The following RBM20 variants were observed in gnomAD, a reference collection of about 807,000 sequenced individuals.
RBM20 encodes the protein RNA-binding protein 20.
RBM20 carries 51 observed loss-of-function variants against 110.1 expected under a neutral mutation model. That is an observed-to-expected ratio of 0.46 (90% CI 0.37 to 0.59). The LOEUF is 0.59. Among genes scored for constraint, RBM20 ranks in the 20% least tolerant of loss-of-function variants. The probability of loss-of-function intolerance (pLI) is 0.00; values close to 1 mark genes in which losing one functional copy is unlikely to be tolerated. For missense variants in RBM20, 1,512 were observed against 1,574.9 expected (o/e 0.96, Z 0.68); for synonymous variants, 589 against 618.2 (o/e 0.95, Z 0.70).
chr10:110,738,624 G>A (rs1350783292), intron 1 of RBM20, among the ~76,000 whole-genome samples: 2 of 152,154 alleles, frequency 1.3e-5, no homozygotes, highest in African/African-American at 4.8e-5. Flanking sequence ...TGGGCTGGGG[G>A]AGAGGGTGGC....
chr10:110,721,668 G>A (rs1433602416), intron 1 of RBM20, among the ~76,000 whole-genome samples: 1 of 152,132 alleles, frequency 6.6e-6, no homozygotes, highest in Non-Finnish European at 1.5e-5. Context: ...GCTTCCGACT[G>A]TGGTTCTGCT....
chr10:110,802,613 C>G (rs1053969051), intron 7 of RBM20, among the ~76,000 whole-genome samples: 2 of 152,118 alleles, frequency 1.3e-5, no homozygotes, highest in Non-Finnish European at 2.9e-5. Context: ...AATTAAAGTA[C>G]CAAAGCATAG....
At chr10:110,773,163 A>G (rs1016143345) in intron 1 of RBM20, among the ~76,000 whole-genome samples, 2 of 152,234 alleles carry the variant, frequency 1.3e-5, no homozygotes, top group African/African-American at 4.8e-5. Context: ...TTTGTTCTTA[A>G]GGAGAAATTT....
intron 7 of RBM20, among the ~76,000 whole-genome samples, chr10:110,809,070 G>A (rs1307412765): frequency 2.0e-5 from 3 of 151,732 alleles, no homozygotes; most frequent in Non-Finnish European, 4.4e-5. Context: ...AAAAAAATTA[G>A]CCTGGTGTGG....
intron 1 of RBM20, among the ~76,000 whole-genome samples, chr10:110,766,854 CG>C (rs1844094067): frequency 6.7e-6 from 1 of 150,178 alleles, no homozygotes; most frequent in South Asian, 2.1e-4. Context: ...ACCTCCCAGA[CG>C]GGGTGGTGGC....
Position 110,644,384 on chromosome 10 carries a change from G to A in RBM20, c.-71G>A, listed in dbSNP as rs890428236. Reference sequence around the variant, plus strand: ...ACTGGGCACGGGGACCCCGGCCAGTGAGCGCCCGTGGCCCGGGACCGCCCC... The same window carrying A: ...ACTGGGCACGGGGACCCCGGCCAGTAAGCGCCCGTGGCCCGGGACCGCCCC... On this transcript the variant is annotated 5_prime_UTR_variant, in exon 1 of 14. Coordinates refer to ENST00000369519, the MANE Select transcript of RBM20 (RefSeq NM_001134363.3). The surrounding 1 kb of genome is among the most constrained non-coding windows in gnomAD (Gnocchi z 4.3). 4.7e-6 allele frequency: 6 copies of A among 1,277,206 alleles called. No homozygotes were observed. The highest frequency in any genetic ancestry group is 7.8e-5 in the Admixed American group (2 of 25,736). 79.1% of individuals were successfully genotyped at this position (1,277,206 alleles called of 1,614,324 possible).
chr10:110,836,666 A>G lies in RBM20; in HGVS notation c.*688A>G, dbSNP rs1845135380. 6.6e-6 allele frequency: 1 copy of G among 152,252 alleles called. No individual in the cohort carries two copies. Among genetic ancestry groups the G allele is most frequent in the Admixed American group, 6.5e-5 (1 of 15,290 alleles). The allele number at this position is 152,252 out of a possible 1,614,324, so 9.4% of individuals were successfully genotyped here. On this transcript the variant is annotated 3_prime_UTR_variant, in exon 14 of 14. Transcript: ENST00000369519. Reference sequence around the variant, plus strand: ...TAGAAATCTGCCAGACTTATGCCTTAAAGTAAAATTAAATGAATTTTAGAG... The same window carrying G: ...TAGAAATCTGCCAGACTTATGCCTTGAAGTAAAATTAAATGAATTTTAGAG...
chr10:110,669,445 C>T (rs1442441901), intron 1 of RBM20, among the ~76,000 whole-genome samples: 1 of 152,162 alleles, frequency 6.6e-6, no homozygotes, highest in African/African-American at 2.4e-5. Context: ...TCTGAAAAGC[C>T]TCTTATGGTT....
intron 1 of RBM20, among the ~76,000 whole-genome samples, chr10:110,670,013 A>G (rs1040145946): frequency 6.6e-6 from 1 of 152,174 alleles, no homozygotes; most frequent in Admixed American, 6.5e-5. Flanking sequence ...GGTTTTAACC[A>G]TGACCCAACT....
At chr10:110,643,422 C>T (rs138857996), upstream of RBM20, among the ~76,000 whole-genome samples, 1 of 152,342 alleles carries the variant, frequency 6.6e-6, no homozygotes, top group East Asian at 1.9e-4. Flanking sequence ...AGGATGTCCG[C>T]GTCCACAGCT....
At chr10:110,651,471 A>G (rs761269425) in intron 1 of RBM20, among the ~76,000 whole-genome samples, 72 of 152,224 alleles carry the variant, frequency 4.7e-4, no homozygotes, top group Non-Finnish European at 6.9e-4. Context: ...TTGGAATGTT[A>G]AAGTAAGTAC....
chr10:110,683,277 A>G (rs981178231), intron 1 of RBM20, among the ~76,000 whole-genome samples: 4 of 152,230 alleles, frequency 2.6e-5, no homozygotes, highest in Non-Finnish European at 5.9e-5. Flanking sequence ...TGTTAATGGC[A>G]GAAGGCAGTT....
intron 1 of RBM20, among the ~76,000 whole-genome samples, chr10:110,746,066 A>G (rs1040346011): frequency 5.3e-5 from 8 of 152,198 alleles, no homozygotes; most frequent in African/African-American, 1.7e-4. Flanking sequence ...GGGCTCGCTC[A>G]TCACCACGTT....
intron 1 of RBM20, among the ~76,000 whole-genome samples, chr10:110,700,743 C>T (rs745945184): frequency 3.3e-5 from 5 of 152,166 alleles, no homozygotes; most frequent in African/African-American, 4.8e-5. Context: ...GGGCCAGGCA[C>T]GGTGGCTCAC....
At chr10:110,668,503 G>A (rs1862212244) in intron 1 of RBM20, among the ~76,000 whole-genome samples, 1 of 152,122 alleles carries the variant, frequency 6.6e-6, no homozygotes, top group African/African-American at 2.4e-5. Context: ...TGGGTTGAAG[G>A]GGAGACACTG....
At chr10:110,815,287 A>G (rs1035094006) in intron 9 of RBM20, among the ~76,000 whole-genome samples, 7 of 152,230 alleles carry the variant, frequency 4.6e-5, no homozygotes, top group African/African-American at 7.2e-5. Flanking sequence ...GTGCTAGACA[A>G]ATGCCCAGCG....
chr10:110,767,367 A>G (rs61862864), intron 1 of RBM20, among the ~76,000 whole-genome samples: 117,526 of 136,946 alleles, frequency 0.86, 50,616 homozygotes, highest in Non-Finnish European at 0.91. Flanking sequence ...CCTCCCGGAC[A>G]GGGCGGCTGG....
At chr10:110,833,547 C>T (rs1329188713) in intron 13 of RBM20, among the ~76,000 whole-genome samples, 6 of 152,124 alleles carry the variant, frequency 3.9e-5, no homozygotes, top group Non-Finnish European at 8.8e-5. Context: ...CCAGCATTTG[C>T]AGTAGTATTG....
At position 110,821,630 on chromosome 10, in the gene RBM20, T is replaced by G; in HGVS notation, c.3011T>G (p.Leu1004Arg). 6.4e-7 allele frequency: 1 copy of G among 1,551,710 alleles called. No homozygotes were observed. Among genetic ancestry groups the G allele is most frequent in the South Asian group, 1.2e-5 (1 of 84,064 alleles). Residue 1004 changes from leucine (L) to arginine (R), a missense_variant, in exon 11 of 14, where the codon CTG becomes CGG. Leu to Arg is a moderately radical substitution (Grantham distance 102). Coordinates refer to ENST00000369519, the MANE Select transcript of RBM20 (RefSeq NM_001134363.3). ...GACGTGGAAATGCCTGGCCTAAATCTGGATGCTGAGCGGAAGCCAGCTGAA... is the reference window on the plus strand; with the variant it reads ...GACGTGGAAATGCCTGGCCTAAATCGGGATGCTGAGCGGAAGCCAGCTGAA... ...DMDVEMPGLN[L>R]DAERKPAESE...
Sources: gnomAD v4.1 joint callset for allele counts (sites outside exome capture counted in the v4.1 genomes callset) on GRCh38, gnomAD v4.1.1 for gene constraint, Gnocchi (gnomAD v3.1) non-coding constraint, MANE v1.5 for transcripts, NCBI Gene and HGNC (gene_info 2026-07-23, HGNC 2026-07-21) for gene names.